The following ATL1 variants were observed in gnomAD, a reference collection of about 807,000 sequenced individuals.
The protein encoded by ATL1 is atlastin GTPase 1.
A neutral mutation model predicts 75.5 loss-of-function variants in ATL1; 31 were observed. That is an observed-to-expected ratio of 0.41 (90% CI 0.31 to 0.55). ATL1 has a LOEUF of 0.55. Among genes scored for constraint, ATL1 ranks in the 20% least tolerant of loss-of-function variants. The pLI is 0.27. For missense variants in ATL1, 405 were observed against 662.6 expected (o/e 0.61, Z 4.27); for synonymous variants, 226 against 233.3 (o/e 0.97, Z 0.28).
At chr14:50,592,946 A>G (rs148316323) in intron 4 of ATL1, among the ~76,000 whole-genome samples, 2,621 of 132,400 alleles carry the variant, frequency 0.02, 36 homozygotes, top group South Asian at 0.062. Flanking sequence ...ATATATATAT[A>G]TGTGTGTGTG....
intron 1 of ATL1, chr14:50,572,061 A>T (rs953920408): frequency 1.8e-6 from 1 of 543,398 alleles, no homozygotes; most frequent in Non-Finnish European, 3.5e-6. Flanking sequence ...TATTCCTTGG[A>T]CATGTCTGCC....
intron 1 of ATL1, among the ~76,000 whole-genome samples, chr14:50,534,577 A>G (rs2038468934): frequency 6.6e-6 from 1 of 152,256 alleles, no homozygotes; most frequent in Non-Finnish European, 1.5e-5. Context: ...GGCTTCAACA[A>G]GACCCTGGAG....
intron 12 of ATL1, 163 bp downstream of exon 12, chr14:50,628,625 C>A (rs1427653491): frequency 1.3e-6 from 1 of 753,828 alleles, no homozygotes; most frequent in Admixed American, 2.0e-5. Flanking sequence ...CTATATAATA[C>A]TGTGTAAAAT....
chr14:50,568,331 G>A (rs1415365154), intron 1 of ATL1, among the ~76,000 whole-genome samples: 1 of 152,068 alleles, frequency 6.6e-6, no homozygotes, highest in Non-Finnish European at 1.5e-5. Flanking sequence ...AGGAGTTTGA[G>A]GCTATAATGT....
intron 11 of ATL1, 151 bp from the exon 12 acceptor site, chr14:50,627,880 G>C (rs533292988): frequency 2.8e-6 from 2 of 711,406 alleles, no homozygotes; most frequent in Admixed American, 2.2e-5. Flanking sequence ...TCGTGGATAG[G>C]GGGTGGAAAG....
At chr14:50,540,215 T>C (rs1449655040) in intron 1 of ATL1, among the ~76,000 whole-genome samples, 1 of 152,176 alleles carries the variant, frequency 6.6e-6, no homozygotes, top group African/African-American at 2.4e-5. Flanking sequence ...GATGTTTTGA[T>C]TGCAAGGATA....
chr14:50,537,864 A>G (rs1182745426), intron 1 of ATL1, among the ~76,000 whole-genome samples: 4 of 152,110 alleles, frequency 2.6e-5, no homozygotes, highest in African/African-American at 4.8e-5. Flanking sequence ...CCTGCTTTTG[A>G]TTTTACAGGC....
chr14:50,603,204 T>G (rs2039287217), intron 6 of ATL1, among the ~76,000 whole-genome samples: 1 of 152,212 alleles, frequency 6.6e-6, no homozygotes, highest in African/African-American at 2.4e-5. Context: ...TTAGGACTAT[T>G]TACATTTATT....
intron 1 of ATL1, among the ~76,000 whole-genome samples, chr14:50,552,872 A>G (rs563198061): frequency 2.6e-5 from 4 of 152,348 alleles, no homozygotes; most frequent in Admixed American, 6.5e-5. Context: ...AAGATGGATC[A>G]AAGACTTAAA....
intron 11 of ATL1, among the ~76,000 whole-genome samples, chr14:50,624,707 C>CTGACA (rs1218318478): frequency 6.6e-6 from 1 of 152,034 alleles, no homozygotes; most frequent in Non-Finnish European, 1.5e-5. Flanking sequence ...AGGCCAAAAG[C>CTGACA]TAGGCCTTTG....
intron 2 of ATL1, among the ~76,000 whole-genome samples, chr14:50,589,155 C>CTT (rs34191629): frequency 1.1e-3 from 122 of 109,374 alleles, no homozygotes; most frequent in East Asian, 5.6e-3. Context: ...TTCTTTCTTT[C>CTT]TTTTTTTTTT....
chr14:50,584,304 G>C (rs1348415455), intron 1 of ATL1, among the ~76,000 whole-genome samples: 2 of 152,214 alleles, frequency 1.3e-5, no homozygotes, highest in African/African-American at 4.8e-5. Context: ...ATTGAGCTCA[G>C]GAAGCAGAGG....
chr14:50,548,777 T>G (rs1220246293), intron 1 of ATL1, among the ~76,000 whole-genome samples: 1 of 152,136 alleles, frequency 6.6e-6, no homozygotes, highest in Non-Finnish European at 1.5e-5. Flanking sequence ...CCCAAAGTAC[T>G]GGGATTACAG....
At chr14:50,623,142 T>G (rs2039483755) in intron 10 of ATL1, 35 bp from the exon 11 acceptor site, 1 of 1,592,638 alleles carries the variant, frequency 6.3e-7, no homozygotes, top group Non-Finnish European at 8.6e-7. Context: ...CAATATGAAC[T>G]GCATTTTACA....
intron 4 of ATL1, among the ~76,000 whole-genome samples, chr14:50,593,445 C>T (rs1207185014): frequency 6.6e-6 from 1 of 152,048 alleles, no homozygotes; most frequent in Non-Finnish European, 1.5e-5. Context: ...TCTGTATAGA[C>T]ATAAATAAAA....
intron 4 of ATL1, among the ~76,000 whole-genome samples, chr14:50,592,650 G>A (rs2039169996): frequency 6.6e-6 from 1 of 152,042 alleles, no homozygotes; most frequent in East Asian, 1.9e-4. Flanking sequence ...GGTGGCTCAC[G>A]CCTGTAATCC....
Position 50,595,639 on chromosome 14 carries a change from G to C in ATL1, c.630+7G>C, listed in dbSNP as rs3759588. On this transcript the variant is annotated splice_region_variant and intron_variant, in intron 6 of 13. Transcript: ENST00000358385. ...ATTCCTGAAGCCATTTCAGGTGAGC[G>C]AGTGTTAAATGATGGTAAATTCTTA... The C allele has an allele frequency of 6.2e-7, 1 of 1,613,132 alleles. No homozygotes were observed. Among genetic ancestry groups the C allele is most frequent in the Non-Finnish European group, 8.5e-7 (1 of 1,179,416 alleles).
At chr14:50,557,304 C>T (rs1452439933), upstream of ATL1, among the ~76,000 whole-genome samples, 3 of 152,242 alleles carry the variant, frequency 2.0e-5, no homozygotes, top group Non-Finnish European at 4.4e-5. Context: ...TCTTCCCATT[C>T]TTCCATTATT....
intron 6 of ATL1, among the ~76,000 whole-genome samples, chr14:50,603,752 G>A (rs779393181): frequency 6.6e-6 from 1 of 152,154 alleles, no homozygotes; most frequent in Non-Finnish European, 1.5e-5. Context: ...ATAAATGCAT[G>A]ACCTCACTGA....
Sources: allele counts gnomAD v4.1 joint callset (sites outside exome capture counted in the v4.1 genomes callset), GRCh38; gene constraint gnomAD v4.1.1; transcripts MANE v1.5; gene names NCBI Gene and HGNC (gene_info 2026-07-23, HGNC 2026-07-21).